UHRF2: variants seen among roughly 807,000 people sequenced by gnomAD.
UHRF2 encodes the protein E3 ubiquitin-protein ligase UHRF2.
Under a neutral mutation model 96.8 loss-of-function variants are expected in UHRF2, and 23 were observed. That is an observed-to-expected ratio of 0.24 (90% CI 0.17 to 0.34). UHRF2 has a LOEUF of 0.34. UHRF2 is among the 10% of genes least tolerant of loss of function. UHRF2 has a pLI of 1.00. For missense variants in UHRF2, 685 were observed against 981.5 expected (o/e 0.70, Z 4.04); for synonymous variants, 385 against 332.6 (o/e 1.16, Z -1.72).
At chr9:6,481,513 A>G (rs2130909790) in intron 6 of UHRF2, 130 bp from the exon 7 acceptor site, 3 of 1,006,450 alleles carry the variant, frequency 3.0e-6, no homozygotes, top group Middle Eastern at 3.5e-4. Context: ...TTTTAATGCC[A>G]GTTAAAGCTC....
In UHRF2 at chr9:6,457,817, G is replaced by A. The variant is rs577636879; in HGVS notation, c.645-2756G>A. ...TGTGATGGATTATGTTTATTGATTT[G>A]CATATGTTGAACCAGCCTTGCATCC... On this transcript the variant is annotated intron_variant, in intron 3 of 15. Coordinates refer to ENST00000276893, the MANE Select transcript of UHRF2 (RefSeq NM_152896.3). Among the ~76,000 whole-genome samples, 3 of 152,292 alleles carry A rather than the reference G, an allele frequency of 2.0e-5. No individual in the cohort carries two copies. The South Asian group carries it at 6.2e-4, about 32-fold the overall frequency.
chr9:6,490,269 A>C (rs934587507), intron 9 of UHRF2, among the ~76,000 whole-genome samples: 1 of 152,220 alleles, frequency 6.6e-6, no homozygotes, highest in Non-Finnish European at 1.5e-5. Flanking sequence ...ACATTAACTG[A>C]GATAATTTAT....
chr9:6,457,229 T>A (rs1283896181), intron 3 of UHRF2, among the ~76,000 whole-genome samples: 2 of 152,168 alleles, frequency 1.3e-5, no homozygotes, highest in African/African-American at 4.8e-5. Context: ...TCACATCCCT[T>A]GTGAGTTGTA....
chr9:6,461,637 G>A (rs1822550466), intron 4 of UHRF2, among the ~76,000 whole-genome samples: 2 of 152,066 alleles, frequency 1.3e-5, no homozygotes, highest in Non-Finnish European at 2.9e-5. Flanking sequence ...CTCCCAAAGT[G>A]TTGGGATTAC....
chr9:6,433,342 G>A (rs1820660052), intron 2 of UHRF2, among the ~76,000 whole-genome samples: 1 of 152,116 alleles, frequency 6.6e-6, no homozygotes. Flanking sequence ...GTTCTTTGAG[G>A]TGGTAGATAA....
At chr9:6,452,813 G>C (rs953379142) in intron 3 of UHRF2, among the ~76,000 whole-genome samples, 4 of 152,230 alleles carry the variant, frequency 2.6e-5, no homozygotes, top group Admixed American at 2.6e-4. Flanking sequence ...TTCAGTTTGG[G>C]GTGTAGATGG....
At chr9:6,479,283 C>T (rs186286787) in intron 6 of UHRF2, among the ~76,000 whole-genome samples, 10 of 152,312 alleles carry the variant, frequency 6.6e-5, no homozygotes, top group African/African-American at 2.4e-4. Context: ...GGTTCACAGA[C>T]ACTTTTTATG....
At position 6,503,082 on chromosome 9, in the gene UHRF2, C is replaced by T. The variant is rs918683227; in HGVS notation, c.2164-1511C>T. The stretch of plus-strand genomic sequence containing the variant: ...TGATCTCAGCTCACTGCAACCTCCA[C>T]CTCCTGGGTTCAAGTGATTCTCCTG... On this transcript the variant is annotated intron_variant, in intron 14 of 15. Transcript: ENST00000276893. 3.3e-5 allele frequency among the ~76,000 whole-genome samples: 5 copies of T among 152,298 alleles called. No homozygotes were observed. In the South Asian group the frequency reaches 8.3e-4, roughly 25 times the overall value.
intron 1 of UHRF2, among the ~76,000 whole-genome samples, chr9:6,420,498 C>G (rs1749110004): frequency 1.3e-5 from 2 of 151,366 alleles, no homozygotes; most frequent in East Asian, 2.0e-4. Flanking sequence ...GTCAGGAGAT[C>G]AAGACCATCC....
chr9:6,461,070 A>G (rs1371220864), intron 4 of UHRF2, among the ~76,000 whole-genome samples: 2 of 152,228 alleles, frequency 1.3e-5, no homozygotes, highest in Non-Finnish European at 2.9e-5. Flanking sequence ...GGATTCTTAT[A>G]GATTGAACAA....
At chr9:6,413,836 G>A (rs1160036112) in intron 1 of UHRF2, 193 bp downstream of exon 1, 8 of 614,142 alleles carry the variant, frequency 1.3e-5, no homozygotes, top group African/African-American at 9.7e-5. Flanking sequence ...GTCCCTGCCA[G>A]CCCCAACTGG....
In UHRF2 at chr9:6,499,972, T is replaced by TTTG. The variant is rs553532921; in HGVS notation, c.2005+57_2005+59dup. 677 of 1,438,760 alleles carry TTTG rather than the reference T, an allele frequency of 4.7e-4. 1 individual carries two copies. The African/African-American group carries it at 6.3e-3, about 13-fold the overall frequency. The allele number at this position is 1,438,760 out of a possible 1,614,324, so 89.1% of individuals were successfully genotyped here. A position where few individuals can be genotyped will look rare whatever the true frequency, so the allele number is the denominator to read the frequency against. On this transcript the variant is annotated intron_variant, in intron 13 of 15. Coordinates refer to ENST00000276893, the MANE Select transcript of UHRF2 (RefSeq NM_152896.3). ...AAAATATAAATAATAATAACATACT[T>TTTG]TTGTTGTTGTTGTTGTTGAGACGGG...
intron 3 of UHRF2, among the ~76,000 whole-genome samples, chr9:6,437,054 T>C (rs1820892893): frequency 1.3e-5 from 2 of 152,126 alleles, no homozygotes; most frequent in Non-Finnish European, 2.9e-5. Flanking sequence ...GAGCCCGATA[T>C]GGTTGTGATA....
chr9:6,504,825 A>T, intron 15 of UHRF2, 134 bp downstream of exon 15: 2 of 579,086 alleles, frequency 3.5e-6, no homozygotes, highest in Non-Finnish European at 5.9e-6. Context: ...AGAAGCATTT[A>T]GTTACGTCTT....
Position 6,434,574 on chromosome 9 carries a change from G to A in UHRF2, c.644+401G>A, listed in dbSNP as rs146126056. Among the ~76,000 whole-genome samples, 530 of 151,946 alleles carry A rather than the reference G, an allele frequency of 3.5e-3. 2 individuals are homozygous for A. Among genetic ancestry groups the A allele is most frequent in the African/African-American group, 0.012 (496 of 41,456 alleles). Reference sequence around the variant, plus strand: ...CTGCCTCAGCCTCCCAAGTAGCTGGGATTACAGGTGCATATCACCACGCCT... The same window carrying A: ...CTGCCTCAGCCTCCCAAGTAGCTGGAATTACAGGTGCATATCACCACGCCT... On this transcript the variant is annotated intron_variant, in intron 3 of 15. Transcript: ENST00000276893.
chr9:6,413,424 C>CGGGCG lies in UHRF2; in HGVS notation c.-61_-57dup. Reference sequence around the variant, plus strand: ...GAGCCGCAGGGAAAGCGGCGCGGGCCGGGCGGGGCGCGGCGCCCAGAGCTC... The same window carrying CGGGCG: ...GAGCCGCAGGGAAAGCGGCGCGGGCCGGGCGGGGCGGGGCGCGGCGCCCAGAGCTC... On this transcript the variant is annotated 5_prime_UTR_variant, in exon 1 of 16. Coordinates refer to ENST00000276893, the MANE Select transcript of UHRF2 (RefSeq NM_152896.3). The CGGGCG allele has an allele frequency of 1.5e-6, 2 of 1,306,378 alleles. No individual in the cohort carries two copies. The highest frequency in any genetic ancestry group is 1.5e-5 in the African/African-American group (1 of 65,612). 80.9% of individuals were successfully genotyped at this position (1,306,378 alleles called of 1,614,324 possible).
chr9:6,473,336 T>G (rs2130885907), intron 4 of UHRF2, among the ~76,000 whole-genome samples: 1 of 152,340 alleles, frequency 6.6e-6, no homozygotes, highest in South Asian at 2.1e-4. Context: ...GAGAATGATT[T>G]ATTTTTAAAA....
intron 1 of UHRF2, chr9:6,415,066 C>G (rs557463850): frequency 2.6e-5 from 4 of 152,298 alleles, no homozygotes; most frequent in African/African-American, 7.2e-5. Context: ...TATTTTCTAG[C>G]TGGGGACAAA....
intron 8 of UHRF2, 46 bp downstream of exon 8, chr9:6,482,145 A>T: frequency 6.9e-7 from 1 of 1,441,686 alleles, no homozygotes; most frequent in East Asian, 2.3e-5. Context: ...ATTGGCTATC[A>T]GATTATAGCA....
Sources: gnomAD v4.1 joint callset for allele counts (sites outside exome capture counted in the v4.1 genomes callset) on GRCh38, gnomAD v4.1.1 for gene constraint, MANE v1.5 for transcripts, NCBI Gene and HGNC (gene_info 2026-07-23, HGNC 2026-07-21) for gene names.